The following C19orf67 variants were observed in gnomAD, a reference collection of about 807,000 sequenced individuals.
The protein encoded by C19orf67 is chromosome 19 open reading frame 67.
C19orf67 carries 28 observed loss-of-function variants against 41.4 expected under a neutral mutation model. That is an observed-to-expected ratio of 0.68 (90% CI 0.50 to 0.93). The LOEUF is 0.93. Ranked by LOEUF, C19orf67 falls within the 40% of genes least tolerant of loss-of-function variation. The pLI is 0.00. For synonymous variants in C19orf67, 242 were observed against 203.4 expected (o/e 1.19, Z -1.62); for missense variants, 421 against 467.0 (o/e 0.90, Z 0.91).
chr19:14,083,311 G>A lies in C19orf67; in HGVS notation c.693C>T (p.Leu231=). The change falls in exon 4 of 6, where the codon CTC becomes CTT. Residue 231 remains leucine, a synonymous_variant. Coordinates refer to ENST00000548523, the MANE Select transcript of C19orf67 (RefSeq NM_001277378.2). The part of the protein sequence containing the change: ...AYTASRFPRY[L]YKKMRWHLEA... ...CCAGGTGCCAGCGCATCTTCTTATA[G>A]AGGTAGCGGGGGAAGCGGCTGGCAG... 6.5e-7 allele frequency: 1 copy of A among 1,536,106 alleles called. No individual in the cohort carries two copies. Among genetic ancestry groups the A allele is most frequent in the African/African-American group, 1.4e-5 (1 of 73,138 alleles).
rs921876470 is a variant in C19orf67 at position 14,085,740 on chromosome 19, C to T, written c.-113G>A. On this transcript the variant is annotated 5_prime_UTR_variant, in exon 1 of 6. Transcript: ENST00000548523. Reference sequence around the variant, plus strand: ...CCGACTGGCCCCTGCCTTGACCTCTCCACCGGAGCCGCGCCGCCGCGCCGG... The same window carrying T: ...CCGACTGGCCCCTGCCTTGACCTCTTCACCGGAGCCGCGCCGCCGCGCCGG... 4 of 754,148 alleles carry T rather than the reference C, an allele frequency of 5.3e-6. No homozygotes were observed. In the African/African-American group the frequency reaches 7.1e-5, roughly 13 times the overall value. 46.7% of individuals were successfully genotyped at this position (754,148 alleles called of 1,614,324 possible).
At chr19:14,082,926 G>A (rs907181573) in intron 4 of C19orf67, among the ~76,000 whole-genome samples, 1 of 151,542 alleles carries the variant, frequency 6.6e-6, no homozygotes, top group Non-Finnish European at 1.5e-5. Context: ...GCTCACCGTA[G>A]CCTTGATTCC....
Position 14,081,919 on chromosome 19 carries a change from A to G in C19orf67, c.992T>C (p.Leu331Pro). 3.3e-6 allele frequency: 5 copies of G among 1,534,114 alleles called. No individual in the cohort carries two copies. Among genetic ancestry groups the G allele is most frequent in the Non-Finnish European group, 4.4e-6 (5 of 1,145,650 alleles). Reference sequence around the variant, plus strand: ...TGCCTGGCCCGTGAGGATCTGCACCAGCAGGTCGGTGGCCAGCGTGGGCGT... The same window carrying G: ...TGCCTGGCCCGTGAGGATCTGCACCGGCAGGTCGGTGGCCAGCGTGGGCGT... ...EPTPTLATDL[L>P]VQILTGQAGQ... Residue 331 changes from leucine (L) to proline (P), a missense_variant, in exon 6 of 6, where the codon CTG becomes CCG. By Grantham distance (98) the Leu-to-Pro change is moderately conservative (BLOSUM62 -3). Coordinates refer to ENST00000548523, the MANE Select transcript of C19orf67 (RefSeq NM_001277378.2).
chr19:14,084,037 C>T (rs765113325), intron 1 of C19orf67, among the ~76,000 whole-genome samples, 160 bp from the exon 2 acceptor site: 3 of 152,182 alleles, frequency 2.0e-5, no homozygotes, highest in African/African-American at 7.2e-5. Context: ...GGTTTACCTG[C>T]ATCAAACCCA....
At chr19:14,084,676 G>GA (rs1382697976) in intron 1 of C19orf67, among the ~76,000 whole-genome samples, 7 of 151,858 alleles carry the variant, frequency 4.6e-5, no homozygotes, top group Admixed American at 4.6e-4. Context: ...ACTAAGAAAA[G>GA]AAAAAAATTA....
Position 14,081,773 on chromosome 19 carries a change from C to T in C19orf67, c.*61G>A. On this transcript the variant is annotated 3_prime_UTR_variant, in exon 6 of 6. Transcript: ENST00000548523. ...ACTGCGAGAACGAGTGAGCCCCTCC[C>T]CTGCCCCCTATTCTGGAGTTTGGAA... 3 of 1,352,246 alleles carry T rather than the reference C, an allele frequency of 2.2e-6. No individual in the cohort carries two copies. The highest frequency in any genetic ancestry group is 2.0e-6 in the Non-Finnish European group (2 of 1,025,430). The allele number at this position is 1,352,246 out of a possible 1,614,324, so 83.8% of individuals were successfully genotyped here.
intron 1 of C19orf67, 73 bp downstream of exon 1, chr19:14,085,220 T>A: frequency 7.8e-7 from 1 of 1,277,408 alleles, no homozygotes; most frequent in Non-Finnish European, 1.1e-6. Context: ...GACCCTGGTG[T>A]GTGTCACCCA....
In C19orf67 at chr19:14,085,543, G is replaced by C. The variant is rs903984106; in HGVS notation, c.85C>G (p.Pro29Ala). 1 of 1,535,344 alleles carries C rather than the reference G, an allele frequency of 6.5e-7. No homozygotes were observed. ...PPPDALEPGT[P>A]PCGDPSRSTP... ...GACCTGGAGGGGTCTCCGCAGGGCGGCGTCCCAGGTTCCAAGGCGTCTGGA... is the reference window on the plus strand; with the variant it reads ...GACCTGGAGGGGTCTCCGCAGGGCGCCGTCCCAGGTTCCAAGGCGTCTGGA... The change falls in exon 1 of 6, where the codon CCG becomes GCG. Residue 29 changes from proline (P) to alanine (A), a missense_variant. By Grantham distance (27) the Pro-to-Ala change is conservative. Transcript: ENST00000548523.
At chr19:14,082,121 GGGT>G in intron 5 of C19orf67, 113 bp from the exon 6 acceptor site, 1 of 1,000,646 alleles carries the variant, frequency 1.0e-6, no homozygotes, top group Non-Finnish European at 1.4e-6. Flanking sequence ...TTTCAGCTGC[GGGT>G]GGGAAAAACC....
chr19:14,081,630 T>G lies in C19orf67; in HGVS notation c.*204A>C. ...AGCGGACGCTGAGCCTGTGACCTCT[T>G]TCTTTCTTTTATTTAACACAAAACT... On this transcript the variant is annotated 3_prime_UTR_variant, in exon 6 of 6. Coordinates refer to ENST00000548523, the MANE Select transcript of C19orf67 (RefSeq NM_001277378.2). The G allele has an allele frequency of 2.4e-6, 1 of 416,040 alleles. No homozygotes were observed. The highest frequency in any genetic ancestry group is 4.2e-6 in the Non-Finnish European group (1 of 236,580). 25.8% of individuals were successfully genotyped at this position (416,040 alleles called of 1,614,324 possible).
rs115839646 is a variant in C19orf67 at position 14,085,217 on chromosome 19, G to C, written c.335+76C>G. The C allele has an allele frequency of 6.7e-5, 84 of 1,253,148 alleles. No individual in the cohort carries two copies. In the African/African-American group the frequency reaches 1.1e-3, roughly 17 times the overall value. 77.6% of individuals were successfully genotyped at this position (1,253,148 alleles called of 1,614,324 possible). Reference sequence around the variant, plus strand: ...TAGCGCTTGTAATTTTGCGACCCTGGTGTGTGTCACCCATCCTGTCGCCTC... The same window carrying C: ...TAGCGCTTGTAATTTTGCGACCCTGCTGTGTGTCACCCATCCTGTCGCCTC... On this transcript the variant is annotated intron_variant, in intron 1 of 5. Coordinates refer to ENST00000548523, the MANE Select transcript of C19orf67 (RefSeq NM_001277378.2).
chr19:14,081,765 GC>G lies in C19orf67; in HGVS notation c.*68del. On this transcript the variant is annotated 3_prime_UTR_variant, in exon 6 of 6. Coordinates refer to ENST00000548523, the MANE Select transcript of C19orf67 (RefSeq NM_001277378.2). ...CGGGCTGCACTGCGAGAACGAGTGAGCCCCTCCCCTGCCCCCTATTCTGGAG... is the reference window on the plus strand; with the variant it reads ...CGGGCTGCACTGCGAGAACGAGTGAGCCCTCCCCTGCCCCCTATTCTGGAG... 5 of 1,296,356 alleles carry G rather than the reference GC, an allele frequency of 3.9e-6. No homozygotes were observed. Among genetic ancestry groups the G allele is most frequent in the Non-Finnish European group, 5.1e-6 (5 of 980,300 alleles). The allele number at this position is 1,296,356 out of a possible 1,614,324, so 80.3% of individuals were successfully genotyped here. A position where few individuals can be genotyped will look rare whatever the true frequency, so the allele number is the denominator to read the frequency against.
rs938727689 is a variant in C19orf67, at chr19:14,083,494, T to A, written c.581+11A>T. On this transcript the variant is annotated intron_variant, in intron 3 of 5. Transcript: ENST00000548523. ...CCTTCATCCCCCCATCTGAGTCTCC[T>A]ACCATTTTACCTAAGGGGGTTCATC... is the stretch of plus-strand genomic sequence containing the variant. The A allele has an allele frequency of 7.2e-6, 11 of 1,535,238 alleles. No homozygotes were observed. In the Admixed American group the frequency reaches 2.0e-4, roughly 27 times the overall value.
At chr19:14,082,116 G>C (rs1388936563) in intron 5 of C19orf67, 108 bp from the exon 6 acceptor site, 2 of 1,024,660 alleles carry the variant, frequency 2.0e-6, no homozygotes, top group Non-Finnish European at 2.7e-6. Context: ...CTTTGTTTCA[G>C]CTGCGGGTGG....
rs1399924734 is a variant in C19orf67 at position 14,081,644 on chromosome 19, T to A, written c.*190A>T. On this transcript the variant is annotated 3_prime_UTR_variant, in exon 6 of 6. Coordinates refer to ENST00000548523, the MANE Select transcript of C19orf67 (RefSeq NM_001277378.2). The stretch of plus-strand genomic sequence containing the variant: ...CTGTGACCTCTTTCTTTCTTTTATT[T>A]AACACAAAACTGACGTGTCCGCATT... The A allele has an allele frequency of 2.3e-6, 1 of 443,376 alleles. No individual in the cohort carries two copies. Among genetic ancestry groups the A allele is most frequent in the African/African-American group, 2.0e-5 (1 of 48,894 alleles). The allele number at this position is 443,376 out of a possible 1,614,324, so 27.5% of individuals were successfully genotyped here. A position where few individuals can be genotyped will look rare whatever the true frequency, so the allele number is the denominator to read the frequency against.
In C19orf67 at chr19:14,083,802, C is replaced by T. The variant is rs1976810174; in HGVS notation, c.411G>A (p.Leu137=). The T allele has an allele frequency of 1.4e-6, 2 of 1,421,292 alleles. No individual in the cohort carries two copies. Among genetic ancestry groups the T allele is most frequent in the African/African-American group, 1.4e-5 (1 of 69,524 alleles). 88.0% of individuals were successfully genotyped at this position (1,421,292 alleles called of 1,614,324 possible). The change falls in exon 2 of 6, where the codon CTG becomes CTA. Residue 137 remains leucine, a synonymous_variant. Transcript: ENST00000548523. ...TGCTTCTCGCGGCTGCCTCCAGGTA[C>T]AGGAAGTAGGGCTCACACATCTGTA... The part of the protein sequence containing the change: ...TFLQMCEPYF[L]YLEAAARSIP...
chr19:14,083,475 TCCC>T (rs928498156), intron 3 of C19orf67, 27 bp downstream of exon 3: 1 of 1,532,606 alleles, frequency 6.5e-7, no homozygotes, highest in East Asian at 2.4e-5. Context: ...GACTCCTTCA[TCCC>T]CCCATCTGAG....
chr19:14,083,557 G>C lies in C19orf67; in HGVS notation c.529C>G (p.Leu177Val), dbSNP rs1976804610. 6.5e-7 allele frequency: 1 copy of C among 1,535,994 alleles called. No individual in the cohort carries two copies. Among genetic ancestry groups the C allele is most frequent in the African/African-American group, 1.4e-5 (1 of 73,038 alleles). ...QLTLRLEQLV[L>V]MYASFGFVDL... ...ACGAACCCAAAGGAAGCGTACATGA[G>C]GACCAGCTGTTCCAGGCGCAGGGTC... The change falls in exon 3 of 6, where the codon CTC becomes GTC. Residue 177 changes from leucine to valine, a missense_variant. Transcript: ENST00000548523.
intron 1 of C19orf67, 75 bp from the exon 2 acceptor site, chr19:14,083,952 C>G (rs1206062749): frequency 1.6e-6 from 2 of 1,247,304 alleles, no homozygotes; most frequent in East Asian, 3.0e-5. Context: ...CCATTCTACT[C>G]AATCCCAACC....
Sources: gnomAD v4.1 joint callset for allele counts (sites outside exome capture counted in the v4.1 genomes callset) on GRCh38, gnomAD v4.1.1 for gene constraint, MANE v1.5 for transcripts, NCBI Gene and HGNC (gene_info 2026-07-23, HGNC 2026-07-21) for gene names.